The following PPP1R8 variants were observed in gnomAD, a reference collection of about 807,000 sequenced individuals.
PPP1R8 encodes the protein protein phosphatase 1 regulatory subunit 8, also known as nuclear inhibitor of protein phosphatase 1.
A neutral mutation model predicts 31.3 loss-of-function variants in PPP1R8; 4 were observed. That is an observed-to-expected ratio of 0.13 (90% CI 0.06 to 0.29). The LOEUF is 0.29. Among genes scored for constraint, PPP1R8 ranks in the 10% least tolerant of loss-of-function variants. The pLI is 1.00. For missense variants in PPP1R8, 254 were observed against 440.1 expected (o/e 0.58, Z 3.78); for synonymous variants, 170 against 169.7 (o/e 1.00, Z -0.01).
intron 3 of PPP1R8, 94 bp from the exon 4 acceptor site, chr1:27,840,920 T>C (rs2089216595): frequency 7.8e-7 from 1 of 1,289,036 alleles, no homozygotes; most frequent in Non-Finnish European, 1.1e-6. Context: ...GGGGGGAAGC[T>C]GACCTGATAA....
chr1:27,850,988 C>G lies in PPP1R8; in HGVS notation c.*542C>G, dbSNP rs1241795912. On this transcript the variant is annotated 3_prime_UTR_variant, in exon 7 of 7. Coordinates refer to ENST00000311772, the MANE Select transcript of PPP1R8 (RefSeq NM_014110.5). ...GGTCAGTGGTTTTGAGGTCCAGTAG[C>G]TAGGCTTTTCTCTTTTGTCCTTCCT... 1 of 153,884 alleles carries G rather than the reference C, an allele frequency of 6.5e-6. No individual in the cohort carries two copies. The highest frequency in any genetic ancestry group is 2.4e-5 in the African/African-American group (1 of 41,458). The allele number at this position is 153,884 out of a possible 1,614,324, so 9.5% of individuals were successfully genotyped here.
At chr1:27,831,922 A>T (rs969429120) in intron 1 of PPP1R8, among the ~76,000 whole-genome samples, 2 of 152,238 alleles carry the variant, frequency 1.3e-5, no homozygotes, top group Non-Finnish European at 2.9e-5. Flanking sequence ...AAACCCAAAA[A>T]GCAAGCAAAT....
At chr1:27,849,098 G>A (rs935994657) in intron 6 of PPP1R8, among the ~76,000 whole-genome samples, 3 of 152,132 alleles carry the variant, frequency 2.0e-5, no homozygotes, top group East Asian at 1.9e-4. Context: ...CAGGTCGGGC[G>A]TGCTGGGTCA....
At chr1:27,831,642 A>G (rs970356153) in intron 1 of PPP1R8, among the ~76,000 whole-genome samples, 4 of 152,176 alleles carry the variant, frequency 2.6e-5, no homozygotes, top group Admixed American at 2.6e-4. Flanking sequence ...CCTCAAGGGC[A>G]AAGACTGCAT....
chr1:27,846,992 G>A (rs2089287552), intron 5 of PPP1R8, 36 bp from the exon 6 acceptor site: 2 of 1,587,080 alleles, frequency 1.3e-6, no homozygotes, highest in African/African-American at 1.3e-5. Context: ...TCCCAGTAAA[G>A]TACCAACCCA....
At position 27,850,407 on chromosome 1, in the gene PPP1R8, T is replaced by C; in HGVS notation, c.1017T>C (p.Ala339=). 6.3e-7 allele frequency: 1 copy of C among 1,588,098 alleles called. No individual in the cohort carries two copies. Among genetic ancestry groups the C allele is most frequent in the Admixed American group, 1.7e-5 (1 of 59,072 alleles). The part of the protein sequence containing the change: ...EPKKKKYAKE[A]WPGKKPTPSL... ...AGAAGAAGAAATATGCAAAAGAGGCTTGGCCAGGCAAGAAGCCCACACCTT... is the reference window on the plus strand; with the variant it reads ...AGAAGAAGAAATATGCAAAAGAGGCCTGGCCAGGCAAGAAGCCCACACCTT... Residue 339 remains alanine, a synonymous_variant, in exon 7 of 7, where the codon GCT becomes GCC. Transcript: ENST00000311772.
chr1:27,838,145 AG>A, intron 2 of PPP1R8, among the ~76,000 whole-genome samples: 1 of 148,090 alleles, frequency 6.8e-6, no homozygotes, highest in Non-Finnish European at 1.5e-5. Context: ...CAGGAGTTGG[AG>A]GTTGCAGTGA....
chr1:27,830,967 C>T (rs1225920067), intron 1 of PPP1R8, 76 bp downstream of exon 1: 12 of 1,467,610 alleles, frequency 8.2e-6, no homozygotes, highest in South Asian at 7.0e-5. Flanking sequence ...TCTTTTTTTA[C>T]TTTTCTGCTG....
intron 4 of PPP1R8, among the ~76,000 whole-genome samples, 164 bp downstream of exon 4, chr1:27,841,398 C>T (rs2089221374): frequency 6.6e-6 from 1 of 152,056 alleles, no homozygotes; most frequent in African/African-American, 2.4e-5. Context: ...TGACAGCTCT[C>T]GGAGAGCCAC....
Position 27,841,009 on chromosome 1 carries a change from C to T in PPP1R8, c.272-5C>T, listed in dbSNP as rs1168539954. ...CCCTTACGTTTCTGATTTGGTTATT[C>T]CCAGCACACGGCACTTTCTTGGGTC... On this transcript the variant is annotated splice_region_variant and splice_polypyrimidine_tract_variant and intron_variant, in intron 3 of 6. Coordinates refer to ENST00000311772, the MANE Select transcript of PPP1R8 (RefSeq NM_014110.5). 6.2e-7 allele frequency: 1 copy of T among 1,613,976 alleles called. No homozygotes were observed. Among genetic ancestry groups the T allele is most frequent in the South Asian group, 1.1e-5 (1 of 91,062 alleles).
At chr1:27,842,584 T>C (rs1027796701) in intron 4 of PPP1R8, among the ~76,000 whole-genome samples, 1 of 152,122 alleles carries the variant, frequency 6.6e-6, no homozygotes, top group Non-Finnish European at 1.5e-5. Context: ...TTTCAGTGGA[T>C]TGGGAAGAGG....
At chr1:27,837,303 C>T (rs187193187) in intron 2 of PPP1R8, among the ~76,000 whole-genome samples, 7 of 151,310 alleles carry the variant, frequency 4.6e-5, no homozygotes, top group Admixed American at 2.6e-4. Context: ...TGGTGGCACA[C>T]GCCTGTAGTC....
chr1:27,843,183 T>C lies in PPP1R8; in HGVS notation c.493-3T>C, dbSNP rs765530648. ...TGTCTTTCCTGTATGAACCCTGGCT[T>C]AGAACCTGACAGAGTTCAACACTGC... On this transcript the variant is annotated splice_polypyrimidine_tract_variant and splice_region_variant and intron_variant, in intron 4 of 6. Transcript: ENST00000311772. 1 of 1,614,094 alleles carries C rather than the reference T, an allele frequency of 6.2e-7. No individual in the cohort carries two copies. The highest frequency in any genetic ancestry group is 1.7e-5 in the Admixed American group (1 of 60,006).
intron 3 of PPP1R8, among the ~76,000 whole-genome samples, chr1:27,839,193 A>G (rs554833295): frequency 6.6e-6 from 1 of 152,272 alleles, no homozygotes; most frequent in African/African-American, 2.4e-5. Flanking sequence ...ACTGCACTCC[A>G]GTCCGGGTGA....
At chr1:27,837,596 C>T (rs530647486) in intron 2 of PPP1R8, among the ~76,000 whole-genome samples, 1 of 142,938 alleles carries the variant, frequency 7.0e-6, no homozygotes, top group Non-Finnish European at 1.5e-5. Context: ...CTGGCTAACA[C>T]GGTGAAACCC....
At chr1:27,834,390 T>G (rs373808537) in intron 2 of PPP1R8, 149 of 517,096 alleles carry the variant, frequency 2.9e-4, no homozygotes, top group Non-Finnish European at 4.9e-4. Context: ...ATTTTTAGAT[T>G]TAAACTTGAT....
intron 5 of PPP1R8, 96 bp downstream of exon 5, chr1:27,843,426 G>A: frequency 2.7e-6 from 4 of 1,472,704 alleles, no homozygotes; most frequent in Non-Finnish European, 3.8e-6. Context: ...GGAGGCCGAG[G>A]AGGGTGGATC....
At chr1:27,844,532 G>A (rs147790765) in intron 5 of PPP1R8, among the ~76,000 whole-genome samples, 1 of 151,628 alleles carries the variant, frequency 6.6e-6, no homozygotes, top group South Asian at 2.1e-4. Flanking sequence ...GTTTCACCAT[G>A]TTGGCCAGGC....
At chr1:27,847,323 A>G (rs1482373286) in intron 6 of PPP1R8, among the ~76,000 whole-genome samples, 1 of 152,136 alleles carries the variant, frequency 6.6e-6, no homozygotes, top group African/African-American at 2.4e-5. Context: ...CCTGGCCAAC[A>G]TGGTGAAACC....
Sources: gnomAD v4.1 joint callset for allele counts (sites outside exome capture counted in the v4.1 genomes callset) on GRCh38, gnomAD v4.1.1 for gene constraint, MANE v1.5 for transcripts, NCBI Gene and HGNC (gene_info 2026-07-23, HGNC 2026-07-21) for gene names.